The following RPS6KA5 variants were observed in gnomAD, a reference collection of about 807,000 sequenced individuals.
The protein encoded by RPS6KA5 is ribosomal protein S6 kinase alpha-5.
In RPS6KA5, 27 loss-of-function variants were observed where a neutral mutation model predicts 85.5. The observed-to-expected ratio is 0.32, with a 90% confidence interval of 0.23 to 0.44. RPS6KA5 has a LOEUF of 0.44. Among genes scored for constraint, RPS6KA5 ranks in the 20% least tolerant of loss-of-function variants. RPS6KA5 has a pLI of 1.00. For missense variants in RPS6KA5, 811 were observed against 980.9 expected (o/e 0.83, Z 2.31); for synonymous variants, 334 against 348.2 (o/e 0.96, Z 0.46).
chr14:90,978,883 A>G (rs1223644729), intron 2 of RPS6KA5, among the ~76,000 whole-genome samples: 1 of 152,184 alleles, frequency 6.6e-6, no homozygotes, highest in Non-Finnish European at 1.5e-5. Flanking sequence ...TAAAACTTCT[A>G]GATATATATA....
chr14:91,038,075 A>T (rs994185908), intron 1 of RPS6KA5, among the ~76,000 whole-genome samples: 2 of 152,188 alleles, frequency 1.3e-5, no homozygotes, highest in African/African-American at 2.4e-5. Flanking sequence ...TCTCTATGTG[A>T]TCTCTGCCTG....
chr14:91,050,101 G>A (rs984964480), intron 1 of RPS6KA5, among the ~76,000 whole-genome samples: 1 of 152,164 alleles, frequency 6.6e-6, no homozygotes, highest in African/African-American at 2.4e-5. Context: ...ATCTTTCAAA[G>A]TTTCTTACTG....
chr14:90,898,439 G>A (rs1425201717), intron 12 of RPS6KA5, among the ~76,000 whole-genome samples: 1 of 152,160 alleles, frequency 6.6e-6, no homozygotes, highest in East Asian at 1.9e-4. Flanking sequence ...AGAGAACTGG[G>A]CCCCATCGAT....
At chr14:90,946,522 C>T (rs2037880895) in intron 4 of RPS6KA5, among the ~76,000 whole-genome samples, 1 of 152,086 alleles carries the variant, frequency 6.6e-6, no homozygotes, top group South Asian at 2.1e-4. Flanking sequence ...TGCTGCCTGC[C>T]CCTTTAGAAA....
At chr14:90,936,847 T>C (rs1324801434) in intron 5 of RPS6KA5, among the ~76,000 whole-genome samples, 1 of 152,198 alleles carries the variant, frequency 6.6e-6, no homozygotes, top group African/African-American at 2.4e-5. Context: ...ATTTATAATA[T>C]AAAATTGTGA....
intron 7 of RPS6KA5, 99 bp from the exon 8 acceptor site, chr14:90,906,398 G>C: frequency 2.1e-6 from 2 of 943,426 alleles, no homozygotes; most frequent in Non-Finnish European, 3.1e-6. Context: ...ATGTGAAAGA[G>C]AGATATAAAT....
At chr14:90,986,560 G>A (rs1316467542) in intron 2 of RPS6KA5, among the ~76,000 whole-genome samples, 55 of 152,152 alleles carry the variant, frequency 3.6e-4, no homozygotes. Flanking sequence ...TAACTAAATA[G>A]TGATGTCTTA....
chr14:91,023,382 G>A (rs938595810), intron 1 of RPS6KA5, among the ~76,000 whole-genome samples: 3 of 151,788 alleles, frequency 2.0e-5, no homozygotes, highest in African/African-American at 7.3e-5. Context: ...TGCCTCCTGG[G>A]TTCAAGCGAT....
chr14:90,895,436 C>T (rs2034785621), intron 12 of RPS6KA5, among the ~76,000 whole-genome samples: 2 of 152,108 alleles, frequency 1.3e-5, no homozygotes, highest in African/African-American at 4.8e-5. Flanking sequence ...TTCAGGGTTC[C>T]TGTTAATATT....
intron 5 of RPS6KA5, among the ~76,000 whole-genome samples, chr14:90,931,805 G>C (rs1428934337): frequency 1.3e-5 from 2 of 152,106 alleles, no homozygotes; most frequent in African/African-American, 2.4e-5. Flanking sequence ...TAGGAGAAAA[G>C]ATAGACTGGA....
intron 1 of RPS6KA5, among the ~76,000 whole-genome samples, chr14:91,043,411 T>G (rs545418376): frequency 1.3e-5 from 2 of 152,316 alleles, no homozygotes; most frequent in East Asian, 3.9e-4. Flanking sequence ...CATATCCTAC[T>G]GATCCCACTA....
At chr14:90,888,037 T>C (rs2034335128) in intron 14 of RPS6KA5, among the ~76,000 whole-genome samples, 2 of 151,898 alleles carry the variant, frequency 1.3e-5, no homozygotes, top group South Asian at 4.2e-4. Flanking sequence ...TTCTTATGTG[T>C]CTTTTCATCT....
chr14:90,935,204 T>A (rs1653354972), intron 5 of RPS6KA5, among the ~76,000 whole-genome samples: 1 of 152,176 alleles, frequency 6.6e-6, no homozygotes, highest in African/African-American at 2.4e-5. Context: ...TACCTACACA[T>A]CTTGAGATAC....
At chr14:90,901,599 C>T (rs1790691970) in intron 9 of RPS6KA5, among the ~76,000 whole-genome samples, 1 of 152,124 alleles carries the variant, frequency 6.6e-6, no homozygotes, top group Non-Finnish European at 1.5e-5. Context: ...AGAACATTCA[C>T]TAATCAACAA....
intron 1 of RPS6KA5, among the ~76,000 whole-genome samples, chr14:91,020,304 T>C (rs998277583): frequency 6.6e-6 from 1 of 151,784 alleles, no homozygotes. Flanking sequence ...AAAAAAGTGA[T>C]GAAACATAAT....
chr14:91,012,281 C>T (rs1228162102), intron 1 of RPS6KA5, among the ~76,000 whole-genome samples: 3 of 152,168 alleles, frequency 2.0e-5, no homozygotes, highest in Non-Finnish European at 4.4e-5. Flanking sequence ...AATCTCAATA[C>T]TAACCTCTAA....
rs376870453 is a variant in RPS6KA5, at chr14:90,899,867, C to T, written c.1379+241G>A. ...ATTAAATATGTCACTGTCACAAAGA[C>T]GTTTTCTCTAGATAAACTCAAAAGC... On this transcript the variant is annotated intron_variant, in intron 11 of 16. Coordinates refer to ENST00000614987, the MANE Select transcript of RPS6KA5 (RefSeq NM_004755.4). Among the ~76,000 whole-genome samples the T allele has an allele frequency of 7.6e-4, 116 of 152,236 alleles. 1 individual carries two copies. Among genetic ancestry groups the T allele is most frequent in the African/African-American group, 2.7e-3 (112 of 41,540 alleles).
At position 91,014,409 on chromosome 14, in the gene RPS6KA5, G is replaced by A. The variant is rs1192663269; in HGVS notation, c.104-13250C>T. On this transcript the variant is annotated intron_variant, in intron 1 of 16. Transcript: ENST00000614987. The stretch of plus-strand genomic sequence containing the variant: ...CCCAGCTACTCGGGAGGCTGAGGCA[G>A]GAGAATCGCTTGAACCCGGGAGGCA... Among the ~76,000 whole-genome samples, 11 of 151,482 alleles carry A rather than the reference G, an allele frequency of 7.3e-5. No individual in the cohort carries two copies. The East Asian group carries it at 2.1e-3, about 29-fold the overall frequency.
chr14:91,007,814 G>T (rs1276641817), intron 1 of RPS6KA5, among the ~76,000 whole-genome samples: 1 of 151,772 alleles, frequency 6.6e-6, no homozygotes, highest in African/African-American at 2.4e-5. Flanking sequence ...TTTTCCTTCA[G>T]ATTTAAATAA....
Sources: allele counts gnomAD v4.1 joint callset (sites outside exome capture counted in the v4.1 genomes callset), GRCh38; gene constraint gnomAD v4.1.1; transcripts MANE v1.5; gene names NCBI Gene and HGNC (gene_info 2026-07-23, HGNC 2026-07-21).